The following RBFOX1 variants were observed in gnomAD, a reference collection of about 807,000 sequenced individuals.
The protein encoded by RBFOX1 is RNA binding fox-1 homolog 1.
In RBFOX1, 8 loss-of-function variants were observed where a neutral mutation model predicts 57.7. That is an observed-to-expected ratio of 0.14 (90% CI 0.08 to 0.25). RBFOX1 has a LOEUF of 0.25. RBFOX1 is among the 10% of genes least tolerant of loss of function. RBFOX1 has a pLI of 1.00. For missense variants in RBFOX1, 611 were observed against 548.5 expected, an observed-to-expected ratio of 1.11 and a Z score of -1.14; for synonymous variants, 326 against 222.4, an observed-to-expected ratio of 1.47 and a Z score of -4.15.
chr16:7,217,672 TA>T (rs931862158), intron 4 of RBFOX1, among the ~76,000 whole-genome samples: 41 of 152,252 alleles, frequency 2.7e-4, no homozygotes, highest in Admixed American at 5.2e-4. Flanking sequence ...TTTTTAATCA[TA>T]GGGGGAAGGA....
At chr16:7,436,121 G>C (rs947326896) in intron 4 of RBFOX1, among the ~76,000 whole-genome samples, 5 of 152,150 alleles carry the variant, frequency 3.3e-5, no homozygotes, top group African/African-American at 1.2e-4. Context: ...AGCCTTTTTG[G>C]AGGACAGATT....
At chr16:6,646,467 C>A (rs1272377312) in intron 2 of RBFOX1, among the ~76,000 whole-genome samples, 1 of 152,014 alleles carries the variant, frequency 6.6e-6, no homozygotes, top group East Asian at 1.9e-4. Flanking sequence ...TCTTTTCTGT[C>A]GCTTGCGTGG....
intron 3 of RBFOX1, among the ~76,000 whole-genome samples, chr16:5,862,414 C>T (rs1349792464): frequency 3.3e-5 from 5 of 152,178 alleles, no homozygotes; most frequent in South Asian, 2.1e-4. Context: ...TGCTGCCTGG[C>T]GGGTCGCTTG....
At chr16:6,069,568 T>C (rs2095810364) in intron 1 of RBFOX1, among the ~76,000 whole-genome samples, 1 of 152,200 alleles carries the variant, frequency 6.6e-6, no homozygotes, top group Non-Finnish European at 1.5e-5. Flanking sequence ...AAAGGACCTT[T>C]AGACTCTTCT....
At chr16:5,678,916 T>C (rs760086005) in intron 3 of RBFOX1, among the ~76,000 whole-genome samples, 2 of 152,236 alleles carry the variant, frequency 1.3e-5, no homozygotes, top group Non-Finnish European at 2.9e-5. Flanking sequence ...AGAAGAGCGA[T>C]GGCTTAATTA....
At chr16:6,689,918 T>C (rs1163049944) in intron 3 of RBFOX1, among the ~76,000 whole-genome samples, 1 of 152,202 alleles carries the variant, frequency 6.6e-6, no homozygotes, top group Non-Finnish European at 1.5e-5. Context: ...TGTTTGTCAA[T>C]TGAGAATCAG....
chr16:7,217,893 C>A (rs144912791), intron 4 of RBFOX1, among the ~76,000 whole-genome samples: 1 of 131,222 alleles, frequency 7.6e-6, no homozygotes, highest in Non-Finnish European at 1.6e-5. Flanking sequence ...TGTGTGCATG[C>A]GTATGTGTGT....
At chr16:7,418,396 C>T (rs1404689647) in intron 4 of RBFOX1, among the ~76,000 whole-genome samples, 2 of 152,178 alleles carry the variant, frequency 1.3e-5, no homozygotes, top group Non-Finnish European at 2.9e-5. Flanking sequence ...TGCCCATGTC[C>T]CATGGTGTCC....
intron 4 of RBFOX1, among the ~76,000 whole-genome samples, chr16:7,179,915 T>G (rs1260312611): frequency 1.3e-5 from 2 of 151,750 alleles, no homozygotes; most frequent in Non-Finnish European, 2.9e-5. Flanking sequence ...TTGTATTTTT[T>G]TTTTTTTAGT....
intron 2 of RBFOX1, among the ~76,000 whole-genome samples, chr16:6,385,939 CTTTT>C (rs763480257): frequency 2.8e-5 from 2 of 71,376 alleles, no homozygotes; most frequent in Admixed American, 1.5e-4. Context: ...TTTTTTCTTT[CTTTT>C]TTTTTTTTTT....
At chr16:7,485,954 G>A (rs1017931205) in intron 4 of RBFOX1, among the ~76,000 whole-genome samples, 1 of 152,092 alleles carries the variant, frequency 6.6e-6, no homozygotes, top group African/African-American at 2.4e-5. Context: ...TGCTACAACT[G>A]TGAAGTTGAG....
At chr16:6,618,511 G>A (rs774062802) in intron 2 of RBFOX1, among the ~76,000 whole-genome samples, 4 of 152,156 alleles carry the variant, frequency 2.6e-5, no homozygotes, top group African/African-American at 7.2e-5. Flanking sequence ...ACCACTAGGC[G>A]TTTAATGTGG....
chr16:7,026,841 C>G (rs2041110047), intron 3 of RBFOX1, among the ~76,000 whole-genome samples: 1 of 152,208 alleles, frequency 6.6e-6, no homozygotes, highest in Non-Finnish European at 1.5e-5. Context: ...TCTGGACATT[C>G]CAGTCGGCTT....
intron 2 of RBFOX1, among the ~76,000 whole-genome samples, chr16:6,352,760 A>T (rs2086634032): frequency 6.6e-6 from 1 of 152,186 alleles, no homozygotes; most frequent in Admixed American, 6.5e-5. Context: ...TTAACTCACG[A>T]AGCTGCAAGT....
intron 4 of RBFOX1, among the ~76,000 whole-genome samples, chr16:7,496,980 C>A (rs970972318): frequency 1.3e-5 from 2 of 152,100 alleles, no homozygotes; most frequent in African/African-American, 4.8e-5. Context: ...TCTGTCTCCA[C>A]TTGGCTTTGT....
At chr16:7,385,739 G>C (rs1424531077) in intron 4 of RBFOX1, among the ~76,000 whole-genome samples, 1 of 151,974 alleles carries the variant, frequency 6.6e-6, no homozygotes, top group Non-Finnish European at 1.5e-5. Context: ...GTACATGTGA[G>C]ACTTTTAGCT....
intron 1 of RBFOX1, among the ~76,000 whole-genome samples, chr16:5,439,893 T>A (rs913483274): frequency 6.6e-6 from 1 of 152,194 alleles, no homozygotes; most frequent in African/African-American, 2.4e-5. Context: ...TTGAGTGGTT[T>A]AGAATTTGTA....
intron 3 of RBFOX1, among the ~76,000 whole-genome samples, chr16:6,810,081 C>G (rs900068612): frequency 1.2e-4 from 18 of 149,626 alleles, no homozygotes; most frequent in Admixed American, 3.3e-4. Flanking sequence ...GATGGGGTCT[C>G]AGGAAGGAAA....
intron 3 of RBFOX1, among the ~76,000 whole-genome samples, chr16:6,663,631 A>G (rs2098714691): frequency 6.6e-6 from 1 of 152,224 alleles, no homozygotes; most frequent in African/African-American, 2.4e-5. Flanking sequence ...GCCCATCTGG[A>G]TGAGACTCAC....
Sources: gnomAD v4.1 joint callset for allele counts (sites outside exome capture counted in the v4.1 genomes callset) on GRCh38, gnomAD v4.1.1 for gene constraint, MANE v1.5 for transcripts, NCBI Gene and HGNC (gene_info 2026-07-23, HGNC 2026-07-21) for gene names.